R3HDML: variants seen among roughly 807,000 people sequenced by gnomAD.
R3HDML encodes peptidase inhibitor R3HDML.
Under a neutral mutation model 24.2 loss-of-function variants are expected in R3HDML, and 21 were observed. That is an observed-to-expected ratio of 0.87 (90% CI 0.62 to 1.25). The LOEUF (loss-of-function observed/expected upper bound fraction) is 1.25, where lower values mean the gene tolerates loss of function less well. Among genes scored for constraint, R3HDML ranks in the 50% most tolerant of loss-of-function variants. The pLI is 0.00. For synonymous variants in R3HDML, 133 were observed against 131.5 expected, an observed-to-expected ratio of 1.01 and a Z score of -0.08; for missense variants, 301 against 340.3, an observed-to-expected ratio of 0.88 and a Z score of 0.91.
intron 2 of R3HDML, among the ~76,000 whole-genome samples, chr20:44,342,291 C>T (rs2062774242): frequency 6.6e-6 from 1 of 152,160 alleles, no homozygotes; most frequent in Non-Finnish European, 1.5e-5. Context: ...AGGCCAGTCC[C>T]TTCAAGTGAG....
chr20:44,346,723 G>A (rs1403171242), intron 4 of R3HDML, among the ~76,000 whole-genome samples: 3 of 152,224 alleles, frequency 2.0e-5, no homozygotes, highest in East Asian at 3.8e-4. Flanking sequence ...AAAGGAAGGA[G>A]GAATGAGTGT....
rs912418428 is a variant in R3HDML, at chr20:44,343,610, G to A, written c.513+101G>A. 6.5e-5 allele frequency: 79 copies of A among 1,218,828 alleles called. No homozygotes were observed. In the African/African-American group the frequency reaches 8.9e-4, roughly 14 times the overall value. 75.5% of individuals were successfully genotyped at this position (1,218,828 alleles called of 1,614,324 possible). On this transcript the variant is annotated intron_variant, in intron 3 of 4. Transcript: ENST00000217043. ...AGAAATAAGAATGCAAACAAAGACC[G>A]TTATGAGCTTCTTTTCACCAAAGAG...
At position 44,348,506 on chromosome 20, in the gene R3HDML, TTTCCTTTCC is replaced by T. The variant is rs1600603536; in HGVS notation, c.630-2151_630-2143del. 2.7e-5 allele frequency among the ~76,000 whole-genome samples: 4 copies of T among 150,194 alleles called. No homozygotes were observed. The Admixed American group carries it at 2.7e-4, about 10-fold the overall frequency. ...TCTCCTTTCCTTTCCTTTCCTTTCC[TTTCCTTTCC>T]TTTCTTTTCTTCTGTCCAGCTCTGT... On this transcript the variant is annotated intron_variant, in intron 4 of 4. Transcript: ENST00000217043.
At position 44,337,498 on chromosome 20, in the gene R3HDML, A is replaced by G; in HGVS notation, c.261+80A>G. ...GCCGGACTCATCTTGGCCTAGAATGACTGGCTTTGAAGAGCTGGACCACTT... is the reference window on the plus strand; with the variant it reads ...GCCGGACTCATCTTGGCCTAGAATGGCTGGCTTTGAAGAGCTGGACCACTT... On this transcript the variant is annotated intron_variant, in intron 1 of 4. Coordinates refer to ENST00000217043, the MANE Select transcript of R3HDML (RefSeq NM_178491.4). The surrounding 1 kb of genome is among the most constrained non-coding windows in gnomAD (Gnocchi z 4.7). 6.7e-7 allele frequency: 1 copy of G among 1,492,604 alleles called. No homozygotes were observed. Among genetic ancestry groups the G allele is most frequent in the South Asian group, 1.3e-5 (1 of 78,842 alleles). 92.5% of individuals were successfully genotyped at this position (1,492,604 alleles called of 1,614,324 possible).
chr20:44,346,071 C>T (rs887586702), intron 4 of R3HDML, among the ~76,000 whole-genome samples: 3 of 152,202 alleles, frequency 2.0e-5, no homozygotes, highest in Non-Finnish European at 4.4e-5. Flanking sequence ...CTGCCCGCAT[C>T]GGCCTCCCAA....
chr20:44,347,949 G>A (rs1037794215), intron 4 of R3HDML: 11 of 145,228 alleles, frequency 7.6e-5, no homozygotes, highest in Non-Finnish European at 1.3e-4. Flanking sequence ...TACAAATAGC[G>A]TCTAATTTTT....
chr20:44,344,633 A>G (rs557851169), intron 3 of R3HDML, among the ~76,000 whole-genome samples: 5 of 151,208 alleles, frequency 3.3e-5, no homozygotes, highest in African/African-American at 1.2e-4. Context: ...AATCCAAAAA[A>G]TTAGCTAGGT....
At chr20:44,347,329 C>A (rs551961917) in intron 4 of R3HDML, among the ~76,000 whole-genome samples, 1 of 151,992 alleles carries the variant, frequency 6.6e-6, no homozygotes, top group Non-Finnish European at 1.5e-5. Context: ...AGCAATCCTC[C>A]CGCCTCACCC....
chr20:44,343,354 T>C, intron 2 of R3HDML, 23 bp from the exon 3 acceptor site: 1 of 1,607,080 alleles, frequency 6.2e-7, no homozygotes, highest in Non-Finnish European at 8.5e-7. Context: ...ACCCAGCTTC[T>C]TCCGTGTCCC....
chr20:44,350,590 G>T, intron 4 of R3HDML, 70 bp from the exon 5 acceptor site: 2 of 1,513,034 alleles, frequency 1.3e-6, no homozygotes, highest in Admixed American at 2.1e-5. Flanking sequence ...GCAGCGCTGA[G>T]ATCTGGACAT....
chr20:44,348,337 T>G (rs901318762), intron 4 of R3HDML, among the ~76,000 whole-genome samples: 1 of 152,222 alleles, frequency 6.6e-6, no homozygotes, highest in African/African-American at 2.4e-5. Flanking sequence ...CTAGGTTTGA[T>G]TCCCCTCTGC....
intron 1 of R3HDML, among the ~76,000 whole-genome samples, chr20:44,340,695 A>C (rs1197686104): frequency 6.6e-6 from 1 of 152,130 alleles, no homozygotes. Context: ...CTGAGGTGGG[A>C]GGATCGCCTC....
chr20:44,349,012 A>G (rs1235034171), intron 4 of R3HDML, among the ~76,000 whole-genome samples: 1 of 152,074 alleles, frequency 6.6e-6, no homozygotes, highest in African/African-American at 2.4e-5. Context: ...TTAGTCGGGC[A>G]TGGAGGTGCG....
chr20:44,342,288 T>C (rs2062774229), intron 2 of R3HDML, among the ~76,000 whole-genome samples: 1 of 152,128 alleles, frequency 6.6e-6, no homozygotes. Flanking sequence ...TTAAGGCCAG[T>C]CCCTTCAAGT....
At chr20:44,340,804 T>C (rs1374863532) in intron 1 of R3HDML, among the ~76,000 whole-genome samples, 1 of 150,052 alleles carries the variant, frequency 6.7e-6, no homozygotes, top group African/African-American at 2.4e-5. Context: ...AGATCCTGTC[T>C]CAAAAAAGAA....
Position 44,337,221 on chromosome 20 carries a change from A to G in R3HDML, c.64A>G (p.Asn22Asp). The G allele has an allele frequency of 6.2e-7, 1 of 1,613,816 alleles. No individual in the cohort carries two copies. The highest frequency in any genetic ancestry group is 8.5e-7 in the Non-Finnish European group (1 of 1,179,996). Residue 22 changes from asparagine to aspartate, a missense_variant, in exon 1 of 5, where the codon AAC (asparagine) becomes GAC (aspartate). Physicochemically the swap from Asn to Asp is conservative, Grantham distance 23. Transcript: ENST00000217043. This position sits in a 1 kb window ranked among gnomAD's most constrained non-coding sequence, Gnocchi z 4.7. ...GLLFWAGQAVNALIMPNATPA... is the reference protein window; with the variant it reads ...GLLFWAGQAVDALIMPNATPA... The stretch of plus-strand genomic sequence containing the variant: ...GCTCTTCTGGGCTGGCCAGGCAGTG[A>G]ACGCCTTGATAATGCCTAATGCTAC...
intron 1 of R3HDML, among the ~76,000 whole-genome samples, chr20:44,339,939 T>C (rs567658266): frequency 6.6e-6 from 1 of 151,910 alleles, no homozygotes; most frequent in East Asian, 1.9e-4. Flanking sequence ...CCACCATGCC[T>C]GACTAATTTT....
Position 44,337,440 on chromosome 20 carries a change from C to T in R3HDML, c.261+22C>T. 1.2e-6 allele frequency: 2 copies of T among 1,601,448 alleles called. No homozygotes were observed. Among genetic ancestry groups the T allele is most frequent in the Non-Finnish European group, 1.7e-6 (2 of 1,170,366 alleles). On this transcript the variant is annotated intron_variant, in intron 1 of 4. Transcript: ENST00000217043. This position sits in a 1 kb window ranked among gnomAD's most constrained non-coding sequence, Gnocchi z 4.7. ...CATGGTGAGTCCCCGTACCTGCCCC[C>T]CACCCCCCGCAGTGTCCCTTCCGGC...
In R3HDML at chr20:44,345,352, A is replaced by C; in HGVS notation, c.603A>C (p.Ala201=). 1 of 1,613,958 alleles carries C rather than the reference A, an allele frequency of 6.2e-7. No homozygotes were observed. Residue 201 remains alanine, a synonymous_variant, in exon 4 of 5, where the codon GCA becomes GCC. Transcript: ENST00000217043. ...GGGGCAACACCTGGCATCGGGCGGC[A>C]TACCTGGTCTGCAACTATGCCATTA... ...SVWGNTWHRA[A]YLVCNYAIKG...
Sources: allele counts gnomAD v4.1 joint callset (sites outside exome capture counted in the v4.1 genomes callset), GRCh38; gene constraint gnomAD v4.1.1; non-coding constraint Gnocchi (gnomAD v3.1); transcripts MANE v1.5; gene names NCBI Gene and HGNC (gene_info 2026-07-23, HGNC 2026-07-21).